The following ZNF429 variants were observed in gnomAD, a reference collection of about 807,000 sequenced individuals.
ZNF429 encodes the protein zinc finger protein 429.
ZNF429 carries 53 observed loss-of-function variants against 56.8 expected under a neutral mutation model. That is an observed-to-expected ratio of 0.93 (90% CI 0.75 to 1.17). The LOEUF (loss-of-function observed/expected upper bound fraction) is 1.17, where lower values mean the gene tolerates loss of function less well. Ranked by LOEUF, ZNF429 falls within the 50% of genes most tolerant of loss-of-function variation. The probability of loss-of-function intolerance (pLI) is 0.00; values close to 1 mark genes in which losing one functional copy is unlikely to be tolerated. For missense variants in ZNF429, 849 were observed against 788.4 expected (o/e 1.08, Z -0.92); for synonymous variants, 278 against 264.7 (o/e 1.05, Z -0.49).
rs78152660 is a variant in ZNF429 at position 21,515,855 on chromosome 19, G to A, written c.3+10081G>A. Among the ~76,000 whole-genome samples the A allele has an allele frequency of 4.5e-3, 686 of 152,006 alleles. 6 individuals carry two copies. Among genetic ancestry groups the A allele is most frequent in the African/African-American group, 0.012 (509 of 41,476 alleles). Reference sequence around the variant, plus strand: ...TTATTAAACAGAAAATTCTTCTTACGTTCCTCTTGTCAGCTTTGTCAAATA... The same window carrying A: ...TTATTAAACAGAAAATTCTTCTTACATTCCTCTTGTCAGCTTTGTCAAATA... On this transcript the variant is annotated intron_variant, in intron 1 of 3. Coordinates refer to ENST00000358491, the MANE Select transcript of ZNF429 (RefSeq NM_001001415.4).
In ZNF429 at chr19:21,538,033, AG is replaced by A. The variant is rs1024415715; in HGVS notation, c.1982del (p.Gly661ValfsTer23). On this transcript the variant is annotated frameshift_variant, in exon 4 of 4. Coordinates refer to ENST00000358491, the MANE Select transcript of ZNF429 (RefSeq NM_001001415.4). LOFTEE classifies it high-confidence loss of function. Reference protein sequence around the residue: ...ACNPSTLGGRGGRITRSGDRD... With the variant: ...ACNPSTLGGRXGRITRSGDRD... The stretch of plus-strand genomic sequence containing the variant: ...GTAATCCCAGCACTTTGGGAGGCAG[AG>A]GTGGGCGGATCACGAGGTCAGGAGA... 21 of 1,576,106 alleles carry A rather than the reference AG, an allele frequency of 1.3e-5. No individual in the cohort carries two copies. In the African/African-American group the frequency reaches 2.7e-4, roughly 20 times the overall value.
chr19:21,514,340 C>T (rs575430949), intron 1 of ZNF429, among the ~76,000 whole-genome samples: 2 of 152,004 alleles, frequency 1.3e-5, no homozygotes, highest in Non-Finnish European at 2.9e-5. Flanking sequence ...GTCCTCCTAC[C>T]CTCCACCCTC....
intron 1 of ZNF429, among the ~76,000 whole-genome samples, chr19:21,516,399 T>C (rs146236357): frequency 0.01 from 1,552 of 152,302 alleles, 33 homozygotes; most frequent in African/African-American, 0.036. Context: ...TTTGTTCTTT[T>C]TGCTTAGGAT....
chr19:21,531,891 C>T, intron 3 of ZNF429, among the ~76,000 whole-genome samples: 1 of 147,980 alleles, frequency 6.8e-6, no homozygotes, highest in African/African-American at 2.5e-5. Flanking sequence ...CATTAAAAAA[C>T]CATAAACAGT....
chr19:21,514,870 A>G (rs2032665503), intron 1 of ZNF429, among the ~76,000 whole-genome samples: 1 of 152,100 alleles, frequency 6.6e-6, no homozygotes, highest in Admixed American at 6.6e-5. Context: ...AAGTGCTGGG[A>G]TTACAGGCAT....
chr19:21,536,491 C>A lies in ZNF429; in HGVS notation c.438C>A (p.His146Gln). The A allele has an allele frequency of 6.2e-7, 1 of 1,613,052 alleles. No homozygotes were observed. Among genetic ancestry groups the A allele is most frequent in the South Asian group, 1.1e-5 (1 of 91,000 alleles). ...CACTTACCCAGAGCAAAATGTATCA[C>A]TGTGATATATATGTAAAAGTCTTTT... ...CLTLTQSKMYHCDIYVKVFYA... is the reference protein window; with the variant it reads ...CLTLTQSKMYQCDIYVKVFYA... The change falls in exon 4 of 4, where the codon CAC (histidine) becomes CAA (glutamine). Residue 146 changes from histidine (H) to glutamine (Q), a missense_variant. By Grantham distance (24) the His-to-Gln change is conservative. Transcript: ENST00000358491.
At chr19:21,510,850 T>A (rs534953537) in intron 1 of ZNF429, among the ~76,000 whole-genome samples, 58 of 152,268 alleles carry the variant, frequency 3.8e-4, no homozygotes, top group African/African-American at 6.3e-4. Flanking sequence ...TAATCCATTT[T>A]ACCCTGAGTG....
chr19:21,536,091 A>C, intron 3 of ZNF429, among the ~76,000 whole-genome samples, 189 bp from the exon 4 acceptor site: 1 of 151,246 alleles, frequency 6.6e-6, no homozygotes, highest in South Asian at 2.1e-4. Context: ...CTTATTGATA[A>C]ATTATCCACT....
At chr19:21,531,733 G>A in intron 3 of ZNF429, among the ~76,000 whole-genome samples, 17 of 151,834 alleles carry the variant, frequency 1.1e-4, no homozygotes, top group Non-Finnish European at 1.3e-4. Flanking sequence ...TTGAACCTAG[G>A]AGGCGGAGGT....
chr19:21,510,782 C>G (rs1009835015), intron 1 of ZNF429, among the ~76,000 whole-genome samples: 1 of 151,720 alleles, frequency 6.6e-6, no homozygotes, highest in Non-Finnish European at 1.5e-5. Context: ...GGTGATGACT[C>G]TTAACGAGCA....
intron 1 of ZNF429, among the ~76,000 whole-genome samples, chr19:21,506,767 G>GTTTTTTTTTTTTT (rs60650857): frequency 6.3e-5 from 7 of 111,768 alleles, no homozygotes; most frequent in African/African-American, 1.1e-4. Context: ...TTAGTTTTTT[G>GTTTTTTTTTTTTT]TTTTTTTTTT....
Position 21,536,319 on chromosome 19 carries a change from A to G in ZNF429, c.266A>G (p.Gln89Arg). ...SHFAEDFWPE[Q>R]DIKDSFQKVT... is the part of the protein sequence containing the mutation. ...TTTGCTGAAGACTTTTGGCCAGAGC[A>G]AGACATAAAAGATTCTTTCCAAAAA... The change falls in exon 4 of 4, where the codon CAA (glutamine) becomes CGA (arginine). Residue 89 changes from glutamine (Q) to arginine (R), a missense_variant. Physicochemically the swap from Gln to Arg is conservative, Grantham distance 43 (BLOSUM62 1). Coordinates refer to ENST00000358491, the MANE Select transcript of ZNF429 (RefSeq NM_001001415.4). The G allele has an allele frequency of 1.2e-6, 2 of 1,605,500 alleles. No individual in the cohort carries two copies. Among genetic ancestry groups the G allele is most frequent in the Middle Eastern group, 3.3e-4 (2 of 5,994 alleles).
intron 1 of ZNF429, 129 bp downstream of exon 1, chr19:21,505,903 A>G (rs1005187476): frequency 1.9e-6 from 2 of 1,065,506 alleles, no homozygotes; most frequent in Non-Finnish European, 2.8e-6. Context: ...CTCCTTGCCC[A>G]GCTCGGCTTC....
intron 1 of ZNF429, among the ~76,000 whole-genome samples, chr19:21,526,411 C>G (rs952006963): frequency 2.6e-5 from 4 of 152,180 alleles, no homozygotes; most frequent in East Asian, 1.9e-4. Flanking sequence ...TCCCACATAT[C>G]AGTGAGAACA....
intron 1 of ZNF429, among the ~76,000 whole-genome samples, chr19:21,506,466 A>T (rs1385095407): frequency 7.7e-6 from 1 of 130,258 alleles, no homozygotes; most frequent in Admixed American, 7.6e-5. Context: ...AAAAAAGGGG[A>T]GTCACTGCAA....
At chr19:21,510,746 T>C (rs1478266809) in intron 1 of ZNF429, among the ~76,000 whole-genome samples, 2 of 151,756 alleles carry the variant, frequency 1.3e-5, no homozygotes, top group East Asian at 3.9e-4. Flanking sequence ...AGTGTTTGTG[T>C]CCCTGGGTAC....
At chr19:21,530,492 T>A in intron 2 of ZNF429, 97 bp from the exon 3 acceptor site, 22 of 704,538 alleles carry the variant, frequency 3.1e-5, no homozygotes, top group Middle Eastern at 3.4e-4. Context: ...ATTAATTTAC[T>A]AGAATATTAT....
intron 1 of ZNF429, among the ~76,000 whole-genome samples, chr19:21,506,585 G>T (rs1276766618): frequency 1.3e-5 from 2 of 151,856 alleles, no homozygotes; most frequent in African/African-American, 4.8e-5. Context: ...TTTGCGCATG[G>T]TACAAAAACG....
In ZNF429 at chr19:21,538,352, A is replaced by T; in HGVS notation, c.*274A>T. Among the ~76,000 whole-genome samples the T allele has an allele frequency of 2.0e-5, 3 of 150,828 alleles. 1 individual carries two copies. On this transcript the variant is annotated 3_prime_UTR_variant, in exon 4 of 4. Coordinates refer to ENST00000358491, the MANE Select transcript of ZNF429 (RefSeq NM_001001415.4). ...GTGGCTCATGCCTGCCTGTAATCCC[A>T]GCACTTTGGGAGGCCGAGGCGGGTG... is the stretch of plus-strand genomic sequence containing the variant.
Sources: allele counts gnomAD v4.1 joint callset (sites outside exome capture counted in the v4.1 genomes callset), GRCh38; gene constraint gnomAD v4.1.1; transcripts MANE v1.5; gene names NCBI Gene and HGNC (gene_info 2026-07-23, HGNC 2026-07-21).